Variants in EEF2K observed in about 807,000 individuals in gnomAD.
The protein encoded by EEF2K is alternative protein EEF2K.
A neutral mutation model predicts 93.8 loss-of-function variants in EEF2K; 70 were observed. That is an observed-to-expected ratio of 0.75 (90% CI 0.62 to 0.91). EEF2K has a LOEUF of 0.91. Ranked by LOEUF, EEF2K falls within the 40% of genes least tolerant of loss-of-function variation. The pLI, the probability that EEF2K is intolerant of heterozygous loss-of-function variation, is 0.00. For synonymous variants in EEF2K, 376 were observed against 380.8 expected (o/e 0.99, Z 0.15); for missense variants, 935 against 972.9 (o/e 0.96, Z 0.52).
chr16:22,283,656 C>T (rs1053665940), intron 17 of EEF2K, among the ~76,000 whole-genome samples: 1 of 152,150 alleles, frequency 6.6e-6, no homozygotes, highest in Non-Finnish European at 1.5e-5. Flanking sequence ...AAATCTGGAC[C>T]AATCGCTGTA....
intron 6 of EEF2K, among the ~76,000 whole-genome samples, chr16:22,251,579 C>T (rs1441252908): frequency 6.6e-6 from 1 of 151,904 alleles, no homozygotes; most frequent in African/African-American, 2.4e-5. Context: ...TGCCTGCCAC[C>T]ACATCTGGCT....
chr16:22,251,332 C>G lies in EEF2K; in HGVS notation c.618+10C>G. ...CAAGCCCCCCAAGCAGGTGCGTGGCCCCACTACCTGCCCCCTTTCCATGCC... is the reference window on the plus strand; with the variant it reads ...CAAGCCCCCCAAGCAGGTGCGTGGCGCCACTACCTGCCCCCTTTCCATGCC... On this transcript the variant is annotated intron_variant, in intron 6 of 17. Coordinates refer to ENST00000263026, the MANE Select transcript of EEF2K (RefSeq NM_013302.5). 1 of 1,613,472 alleles carries G rather than the reference C, an allele frequency of 6.2e-7. No homozygotes were observed. The highest frequency in any genetic ancestry group is 8.5e-7 in the Non-Finnish European group (1 of 1,179,694).
chr16:22,268,334 G>A (rs976276714), intron 15 of EEF2K, among the ~76,000 whole-genome samples: 30 of 151,416 alleles, frequency 2.0e-4, no homozygotes, highest in South Asian at 2.1e-4. Context: ...GCCTGCCACC[G>A]CACCCAGCTA....
intron 1 of EEF2K, among the ~76,000 whole-genome samples, chr16:22,220,987 C>G (rs749823887): frequency 6.6e-6 from 1 of 152,182 alleles, no homozygotes; most frequent in Non-Finnish European, 1.5e-5. Flanking sequence ...GTCCAGGGCT[C>G]AGGGAAGATT....
chr16:22,217,872 C>T (rs957949391), intron 1 of EEF2K, among the ~76,000 whole-genome samples: 30 of 152,276 alleles, frequency 2.0e-4, no homozygotes, highest in African/African-American at 6.7e-4. Flanking sequence ...CAGAAATCTA[C>T]GCTGGGCTTG....
Position 22,284,799 on chromosome 16 carries a change from C to T in EEF2K, c.*803C>T, listed in dbSNP as rs937368103. 11 of 152,064 alleles carry T rather than the reference C, an allele frequency of 7.2e-5. No homozygotes were observed. The highest frequency in any genetic ancestry group is 1.3e-4 in the Admixed American group (2 of 15,256). 9.4% of individuals were successfully genotyped at this position (152,064 alleles called of 1,614,324 possible). ...TCCTAAGTCACGGGGCGTGTATTGC[C>T]GTGGCTTAGTGCAAAGCATTCTTTC... On this transcript the variant is annotated 3_prime_UTR_variant, in exon 18 of 18. Transcript: ENST00000263026.
chr16:22,283,226 T>A (rs2047713146), intron 17 of EEF2K, among the ~76,000 whole-genome samples: 1 of 149,356 alleles, frequency 6.7e-6, no homozygotes, highest in Admixed American at 6.8e-5. Context: ...GGAGAATCGC[T>A]TGAACCCCAG....
intron 2 of EEF2K, among the ~76,000 whole-genome samples, chr16:22,230,304 C>T (rs1310314357): frequency 6.6e-6 from 1 of 151,926 alleles, no homozygotes; most frequent in African/African-American, 2.4e-5. Flanking sequence ...ACCTCCACTT[C>T]CTAGGTTCAA....
chr16:22,251,374 G>A (rs756329303), intron 6 of EEF2K, 52 bp downstream of exon 6: 2 of 1,595,416 alleles, frequency 1.3e-6, no homozygotes, highest in Non-Finnish European at 1.7e-6. Flanking sequence ...GCTGGGCACA[G>A]TGTCTGGGAA....
At chr16:22,213,374 G>A (rs2046933011) in intron 1 of EEF2K, among the ~76,000 whole-genome samples, 1 of 152,130 alleles carries the variant, frequency 6.6e-6, no homozygotes, top group Non-Finnish European at 1.5e-5. Context: ...TCACTGCAGG[G>A]GACTGTTCTG....
Position 22,248,743 on chromosome 16 carries a change from G to T in EEF2K, c.348-12G>T, listed in dbSNP as rs1290345265. The T allele has an allele frequency of 5.0e-6, 8 of 1,613,584 alleles. No homozygotes were observed. The highest frequency in any genetic ancestry group is 5.9e-6 in the Non-Finnish European group (7 of 1,179,784). ...ATGGACGCTGTGCCCCATGGTGGAT[G>T]GGTCTCTGCAGGTACAACGCCGTCA... On this transcript the variant is annotated splice_polypyrimidine_tract_variant and intron_variant, in intron 3 of 17. Coordinates refer to ENST00000263026, the MANE Select transcript of EEF2K (RefSeq NM_013302.5).
chr16:22,216,011 G>A (rs2046954825), intron 1 of EEF2K, among the ~76,000 whole-genome samples: 1 of 152,152 alleles, frequency 6.6e-6, no homozygotes, highest in Non-Finnish European at 1.5e-5. Context: ...TGGGGGGAGG[G>A]ATGGAGACAG....
chr16:22,283,845 C>T, intron 17 of EEF2K, 42 bp from the exon 18 acceptor site: 1 of 1,545,022 alleles, frequency 6.5e-7, no homozygotes, highest in Non-Finnish European at 8.8e-7. Context: ...GCAAAAACAA[C>T]AGGTGGTTCA....
At chr16:22,276,856 A>C (rs1485030340) in intron 16 of EEF2K, among the ~76,000 whole-genome samples, 1 of 152,120 alleles carries the variant, frequency 6.6e-6, no homozygotes, top group Non-Finnish European at 1.5e-5. Flanking sequence ...CAGGAGATTG[A>C]GACCAGACTG....
intron 16 of EEF2K, among the ~76,000 whole-genome samples, chr16:22,274,178 C>T (rs1399708555): frequency 6.6e-6 from 1 of 152,034 alleles, no homozygotes; most frequent in Non-Finnish European, 1.5e-5. Flanking sequence ...CATGGTGGCT[C>T]ACGCATGTAA....
In EEF2K at chr16:22,263,179, C is replaced by T. The variant is rs757485312; in HGVS notation, c.1369C>T (p.Arg457Ter). The change falls in exon 12 of 18, where the codon CGA (arginine) becomes TGA (stop). Residue 457 changes from arginine to a stop codon, truncating the protein, a stop_gained. Transcript: ENST00000263026. LOFTEE classifies it high-confidence loss of function. Reference sequence around the variant, plus strand: ...GGGTGAGCTGGATGACCCTGAGCCCCGAGAACATGTAAGGAACCCCCAGGA... The same window carrying T: ...GGGTGAGCTGGATGACCCTGAGCCCTGAGAACATGTAAGGAACCCCCAGGA... Reference protein sequence around the residue: ...KRGELDDPEPREHGHSYSNRK... With the variant: ...KRGELDDPEP 6.2e-6 allele frequency: 10 copies of T among 1,611,136 alleles called. No homozygotes were observed. Among genetic ancestry groups the T allele is most frequent in the South Asian group, 3.3e-5 (3 of 90,710 alleles).
chr16:22,283,792 T>A, intron 17 of EEF2K, 95 bp from the exon 18 acceptor site: 1 of 1,211,910 alleles, frequency 8.3e-7, no homozygotes, highest in African/African-American at 1.5e-5. Flanking sequence ...TAAGGAAACG[T>A]CAGGGTGTTC....
At chr16:22,265,214 A>G in intron 13 of EEF2K, 1 of 220,494 alleles carries the variant, frequency 4.5e-6, no homozygotes, top group Non-Finnish European at 9.2e-6. Context: ...AGACAGGCTA[A>G]TGTGACTCTC....
At chr16:22,228,183 G>A (rs1428021479) in intron 2 of EEF2K, among the ~76,000 whole-genome samples, 1 of 151,924 alleles carries the variant, frequency 6.6e-6, no homozygotes, top group Non-Finnish European at 1.5e-5. Context: ...CACATTATAG[G>A]TGCTTAATAA....
Sources: gnomAD v4.1 joint callset for allele counts (sites outside exome capture counted in the v4.1 genomes callset) on GRCh38, gnomAD v4.1.1 for gene constraint, MANE v1.5 for transcripts, NCBI Gene and HGNC (gene_info 2026-07-23, HGNC 2026-07-21) for gene names.